Variants in SCLT1 observed in about 807,000 individuals in gnomAD.
SCLT1 encodes the protein sodium channel-associated protein 1.
In SCLT1, 78 loss-of-function variants were observed where a neutral mutation model predicts 112.8. The observed-to-expected ratio is 0.69, with a 90% CI of 0.58 to 0.83. The LOEUF is 0.83. Ranked by LOEUF, SCLT1 falls within the 40% of genes least tolerant of loss-of-function variation. SCLT1 has a pLI of 0.00. For missense variants in SCLT1, 747 were observed against 770.4 expected (o/e 0.97, Z 0.36); for synonymous variants, 257 against 254.7 (o/e 1.01, Z -0.09).
intron 9 of SCLT1, among the ~76,000 whole-genome samples, chr4:128,990,427 T>C (rs1002220219): frequency 1.8e-4 from 27 of 151,882 alleles, no homozygotes; most frequent in African/African-American, 5.1e-4. Context: ...AACCTGGGTA[T>C]AGGAGAAACA....
At chr4:128,944,761 G>T (rs1737999297) in intron 16 of SCLT1, 1 of 152,136 alleles carries the variant, frequency 6.6e-6, no homozygotes, top group Non-Finnish European at 1.5e-5. Flanking sequence ...GGAGAATGTG[G>T]GAAAGCCTTC....
chr4:128,905,432 C>A (rs1734619049), intron 18 of SCLT1, among the ~76,000 whole-genome samples: 1 of 152,204 alleles, frequency 6.6e-6, no homozygotes, highest in Non-Finnish European at 1.5e-5. Context: ...TGCTCCCTCT[C>A]TAGTCTATTT....
intron 1 of SCLT1, among the ~76,000 whole-genome samples, chr4:129,088,602 C>A (rs1345330384): frequency 1.3e-5 from 2 of 152,168 alleles, no homozygotes; most frequent in African/African-American, 4.8e-5. Flanking sequence ...AGATTATCTA[C>A]ATAAAACTAC....
At chr4:129,030,601 T>G (rs373494909) in intron 5 of SCLT1, among the ~76,000 whole-genome samples, 1 of 151,826 alleles carries the variant, frequency 6.6e-6, no homozygotes, top group South Asian at 2.1e-4. Flanking sequence ...AAGAATCAAA[T>G]AGACACAATA....
At chr4:129,039,670 A>G (rs1747498048) in intron 4 of SCLT1, 1 of 158,308 alleles carries the variant, frequency 6.3e-6, no homozygotes, top group Admixed American at 6.1e-5. Flanking sequence ...AGTAGGAAAG[A>G]TGGTTAAAAA....
intron 5 of SCLT1, among the ~76,000 whole-genome samples, chr4:129,024,745 T>C (rs1373696254): frequency 2.0e-5 from 3 of 152,134 alleles, no homozygotes; most frequent in East Asian, 1.9e-4. Flanking sequence ...ATGATCAAAC[T>C]ACTCCGAGCT....
At chr4:129,078,519 AGTT>A (rs1205505190) in intron 2 of SCLT1, among the ~76,000 whole-genome samples, 1 of 147,784 alleles carries the variant, frequency 6.8e-6, no homozygotes, top group African/African-American at 2.6e-5. Flanking sequence ...AAATTATTAC[AGTT>A]ATTAAGTATG....
At chr4:128,956,634 C>T (rs538058634) in intron 13 of SCLT1, among the ~76,000 whole-genome samples, 1 of 152,094 alleles carries the variant, frequency 6.6e-6, no homozygotes, top group Non-Finnish European at 1.5e-5. Context: ...AATTCTACCA[C>T]TTAGTTGCTT....
At chr4:129,080,267 T>A (rs969175398) in intron 2 of SCLT1, among the ~76,000 whole-genome samples, 1 of 152,244 alleles carries the variant, frequency 6.6e-6, no homozygotes, top group Non-Finnish European at 1.5e-5. Flanking sequence ...TATCACATGG[T>A]CAGGCTGTAA....
chr4:128,897,666 A>G (rs1235173011), intron 18 of SCLT1, among the ~76,000 whole-genome samples: 1 of 152,238 alleles, frequency 6.6e-6, no homozygotes, highest in Non-Finnish European at 1.5e-5. Context: ...AAATTCACAC[A>G]TAACAATATT....
At chr4:128,895,438 C>T (rs866103916) in intron 18 of SCLT1, among the ~76,000 whole-genome samples, 56 of 152,136 alleles carry the variant, frequency 3.7e-4, no homozygotes, top group Middle Eastern at 3.2e-3. Flanking sequence ...CTCACTGTCT[C>T]GAAAACAAAC....
downstream of SCLT1, among the ~76,000 whole-genome samples, chr4:128,882,331 A>G (rs868866889): frequency 6.6e-6 from 1 of 152,196 alleles, no homozygotes; most frequent in Non-Finnish European, 1.5e-5. Context: ...AAAATAAGCT[A>G]TGTGCCTCCC....
chr4:129,018,261 C>T lies in SCLT1; in HGVS notation c.291-14385G>A, dbSNP rs73847378. Among the ~76,000 whole-genome samples the T allele has an allele frequency of 3.7e-3, 570 of 152,326 alleles. 1 individual carries two copies. Among genetic ancestry groups the T allele is most frequent in the African/African-American group, 0.011 (472 of 41,580 alleles). ...TATCCTGAACTAGTTTTTAGTTTTCCAGCCTCTGCAATACAGGAAGGCATA... is the reference window on the plus strand; with the variant it reads ...TATCCTGAACTAGTTTTTAGTTTTCTAGCCTCTGCAATACAGGAAGGCATA... On this transcript the variant is annotated intron_variant, in intron 5 of 20. Coordinates refer to ENST00000281142, the MANE Select transcript of SCLT1 (RefSeq NM_144643.4).
intron 18 of SCLT1, among the ~76,000 whole-genome samples, chr4:128,900,350 C>G (rs1734169729): frequency 6.6e-6 from 1 of 152,074 alleles, no homozygotes; most frequent in South Asian, 2.1e-4. Context: ...TGGAACAGAA[C>G]ACAGCCCTCA....
At chr4:128,970,509 C>T (rs764677095) in intron 9 of SCLT1, 41 bp from the exon 10 acceptor site, 4 of 1,026,294 alleles carry the variant, frequency 3.9e-6, no homozygotes, top group South Asian at 2.6e-5. Flanking sequence ...TTTTCATAGA[C>T]CACTAAGAAT....
chr4:129,053,557 A>ATTTTTTTTTTTTTT lies in SCLT1; in HGVS notation c.103-9520_103-9507dup, dbSNP rs528905688. On this transcript the variant is annotated intron_variant, in intron 2 of 20. Transcript: ENST00000281142. ...TTAGAGACTAGGATTGCAATCCCTG[A>ATTTTTTTTTTTTTT]TTTTTTTTTTTTTTTTTTTTTTTTT... is the stretch of plus-strand genomic sequence containing the variant. 1.1e-3 allele frequency among the ~76,000 whole-genome samples: 48 copies of ATTTTTTTTTTTTTT among 45,240 alleles called. 3 individuals carry two copies. Among genetic ancestry groups the ATTTTTTTTTTTTTT allele is most frequent in the Non-Finnish European group, 1.2e-3 (32 of 25,854 alleles). 29.7% of individuals were successfully genotyped at this position (45,240 alleles called of 152,430 possible).
intron 20 of SCLT1, among the ~76,000 whole-genome samples, chr4:128,887,417 G>T (rs1732969418): frequency 6.6e-6 from 1 of 152,064 alleles, no homozygotes; most frequent in Non-Finnish European, 1.5e-5. Flanking sequence ...AAAAAAATCT[G>T]TAAATATCAT....
chr4:129,029,539 A>AGGG (rs1291252994), intron 5 of SCLT1, among the ~76,000 whole-genome samples: 1 of 127,806 alleles, frequency 7.8e-6, no homozygotes, highest in East Asian at 2.6e-4. Flanking sequence ...GGGTGGAGGG[A>AGGG]GGGGGGAGGG....
At chr4:128,901,051 T>C (rs1333086631) in intron 18 of SCLT1, among the ~76,000 whole-genome samples, 1 of 152,120 alleles carries the variant, frequency 6.6e-6, no homozygotes, top group East Asian at 1.9e-4. Flanking sequence ...TGTGGAGAAA[T>C]AGGTACACTT....
Sources: allele counts gnomAD v4.1 joint callset (sites outside exome capture counted in the v4.1 genomes callset), GRCh38; gene constraint gnomAD v4.1.1; transcripts MANE v1.5; gene names NCBI Gene and HGNC (gene_info 2026-07-23, HGNC 2026-07-21).